Variants in DONSON observed in about 807,000 individuals in gnomAD.
The protein encoded by DONSON is protein downstream neighbor of Son.
DONSON carries 43 observed loss-of-function variants against 62.1 expected under a neutral mutation model. That is an observed-to-expected ratio of 0.69 (90% CI 0.54 to 0.89). The LOEUF (loss-of-function observed/expected upper bound fraction) is 0.89. Among genes scored for constraint, DONSON ranks in the 40% least tolerant of loss-of-function variants. The probability of loss-of-function intolerance (pLI) is 0.00; values close to 1 mark genes in which losing one functional copy is unlikely to be tolerated. For missense variants in DONSON, 696 were observed against 697.5 expected, an observed-to-expected ratio of 1.00 and a Z score of 0.03; for synonymous variants, 266 against 264.6, an observed-to-expected ratio of 1.01 and a Z score of -0.05.
rs929436066 is a variant in DONSON, at chr21:33,581,401, G to T, written c.1251C>A (p.Asn417Lys). 1 of 1,614,034 alleles carries T rather than the reference G, an allele frequency of 6.2e-7. No individual in the cohort carries two copies. Among genetic ancestry groups the T allele is most frequent in the Non-Finnish European group, 8.5e-7 (1 of 1,179,972 alleles). The change falls in exon 8 of 10, where the codon AAC (asparagine) becomes AAA (lysine). Residue 417 changes from asparagine (N) to lysine (K), a missense_variant. Transcript: ENST00000303071. ...NTFTLLNFLI[N>K]SKSLVATSGP... ...CTGAGGTAGCAACTAAACTCTTAGA[G>T]TTAATCAAAAAATTGAGCAATGTAA...
intron 4 of DONSON, among the ~76,000 whole-genome samples, chr21:33,584,074 T>A (rs895776214): frequency 8.2e-5 from 12 of 146,192 alleles, no homozygotes; most frequent in Non-Finnish European, 1.4e-4. Flanking sequence ...AGACGGAGTT[T>A]CGCTCTGTCG....
Position 33,578,375 on chromosome 21 carries a change from G to C in DONSON, c.1633C>G (p.Pro545Ala). 1 of 1,613,994 alleles carries C rather than the reference G, an allele frequency of 6.2e-7. No individual in the cohort carries two copies. The highest frequency in any genetic ancestry group is 8.5e-7 in the Non-Finnish European group (1 of 1,179,950). Residue 545 changes from proline (P) to alanine (A), a missense_variant, in exon 10 of 10, where the codon CCG becomes GCG. By Grantham distance (27) the Pro-to-Ala change is conservative. Transcript: ENST00000303071. The stretch of plus-strand genomic sequence containing the variant: ...CGTAAAGATGATTTCCCAAGTAACG[G>C]TATTTGACTAAGTTGCTCCAGAGTG... ...PNTLEQLSQI[P>A]LLGKSSLRNV...
Position 33,579,562 on chromosome 21 carries a change from C to A in DONSON, c.1351G>T (p.Ala451Ser). 6.2e-7 allele frequency: 1 copy of A among 1,608,798 alleles called. No individual in the cohort carries two copies. The highest frequency in any genetic ancestry group is 1.1e-5 in the South Asian group (1 of 90,746). The change falls in exon 9 of 10, where the codon GCA becomes TCA. Residue 451 changes from alanine to serine, a missense_variant and splice_region_variant. Physicochemically the swap from Ala to Ser is moderately conservative, Grantham distance 99. Coordinates refer to ENST00000303071, the MANE Select transcript of DONSON (RefSeq NM_017613.4). Reference sequence around the variant, plus strand: ...TGTGTCTTCACATTCACACTCCGTGCCTTCATGAAAATGTAAAGAAAAGGA... The same window carrying A: ...TGTGTCTTCACATTCACACTCCGTGACTTCATGAAAATGTAAAGAAAAGGA... The part of the protein sequence containing the change: ...FRGATMQMLK[A>S]RSVNVKTQAL...
rs769843611 is a variant in DONSON, at chr21:33,582,059, G to A, written c.1047-4C>T. On this transcript the variant is annotated splice_polypyrimidine_tract_variant and splice_region_variant and intron_variant, in intron 6 of 9. Coordinates refer to ENST00000303071, the MANE Select transcript of DONSON (RefSeq NM_017613.4). Reference sequence around the variant, plus strand: ...CTCATCACTGATGGCTTGCTCCCTAGGAAATTGCTACAGTTAGAGTCCCTA... The same window carrying A: ...CTCATCACTGATGGCTTGCTCCCTAAGAAATTGCTACAGTTAGAGTCCCTA... 2 of 1,613,908 alleles carry A rather than the reference G, an allele frequency of 1.2e-6. No individual in the cohort carries two copies. Among genetic ancestry groups the A allele is most frequent in the South Asian group, 2.2e-5 (2 of 91,074 alleles).
chr21:33,581,134 C>G (rs772401144), intron 8 of DONSON, 168 bp downstream of exon 8: 12 of 570,640 alleles, frequency 2.1e-5, no homozygotes, highest in Non-Finnish European at 2.7e-5. Flanking sequence ...CACATAATTT[C>G]TTTGATATAA....
In DONSON at chr21:33,578,999, G is replaced by T. The variant is rs890785552; in HGVS notation, c.1563+351C>A. On this transcript the variant is annotated intron_variant, in intron 9 of 9. Coordinates refer to ENST00000303071, the MANE Select transcript of DONSON (RefSeq NM_017613.4). ...ATAAAGATACAAAAAATAGCCAGAT[G>T]TGGTGGCACATGCCTGTAATCTCAG... 5.9e-5 allele frequency among the ~76,000 whole-genome samples: 9 copies of T among 152,224 alleles called. No homozygotes were observed. The South Asian group carries it at 6.2e-4, about 11-fold the overall frequency.
chr21:33,583,935 GCTGA>G (rs1173042305), intron 4 of DONSON, among the ~76,000 whole-genome samples: 1 of 149,370 alleles, frequency 6.7e-6, no homozygotes, highest in Non-Finnish European at 1.5e-5. Flanking sequence ...AGAATTGCCT[GCTGA>G]CTTTCTCTGA....
Position 33,586,022 on chromosome 21 carries a change from G to C in DONSON, c.562C>G (p.Gln188Glu), listed in dbSNP as rs1569077132. 1 of 1,614,036 alleles carries C rather than the reference G, an allele frequency of 6.2e-7. No individual in the cohort carries two copies. Among genetic ancestry groups the C allele is most frequent in the Non-Finnish European group, 8.5e-7 (1 of 1,180,048 alleles). The change falls in exon 3 of 10, where the codon CAG becomes GAG. Residue 188 changes from glutamine to glutamate, a missense_variant. Physicochemically the swap from Gln to Glu is conservative, Grantham distance 29. Transcript: ENST00000303071. ...GTAACTTCTGTTGCCCTACAATGCTGGACAAGACCTTGAGCTTCTTCCTGT... is the reference window on the plus strand; with the variant it reads ...GTAACTTCTGTTGCCCTACAATGCTCGACAAGACCTTGAGCTTCTTCCTGT... Reference protein sequence around the residue: ...KAQEEAQGLVQHCRATEVTLP... With the variant: ...KAQEEAQGLVEHCRATEVTLP...
In DONSON at chr21:33,579,558, C is replaced by G; in HGVS notation, c.1355G>C (p.Arg452Pro). The change falls in exon 9 of 10, where the codon CGG (arginine) becomes CCG (proline). Residue 452 changes from arginine (R) to proline (P), a missense_variant. Physicochemically the swap from Arg to Pro is moderately radical, Grantham distance 103. Coordinates refer to ENST00000303071, the MANE Select transcript of DONSON (RefSeq NM_017613.4). Reference sequence around the variant, plus strand: ...AGCTTGTGTCTTCACATTCACACTCCGTGCCTTCATGAAAATGTAAAGAAA... The same window carrying G: ...AGCTTGTGTCTTCACATTCACACTCGGTGCCTTCATGAAAATGTAAAGAAA... The part of the protein sequence containing the change: ...RGATMQMLKA[R>P]SVNVKTQALS... The G allele has an allele frequency of 6.2e-7, 1 of 1,609,820 alleles. No homozygotes were observed. The highest frequency in any genetic ancestry group is 8.5e-7 in the Non-Finnish European group (1 of 1,177,344).
At chr21:33,580,837 G>A (rs894273712) in intron 8 of DONSON, among the ~76,000 whole-genome samples, 3 of 151,696 alleles carry the variant, frequency 2.0e-5, no homozygotes, top group Non-Finnish European at 4.4e-5. Context: ...AGCCGAGATC[G>A]CACCACTGCA....
intron 3 of DONSON, 142 bp downstream of exon 3, chr21:33,585,836 G>C: frequency 1.3e-6 from 1 of 781,384 alleles, no homozygotes; most frequent in East Asian, 2.7e-5. Flanking sequence ...GCACCATCTG[G>C]GAAAGACAAA....
intron 3 of DONSON, 23 bp from the exon 4 acceptor site, chr21:33,584,791 G>A: frequency 6.8e-7 from 1 of 1,461,966 alleles, no homozygotes; most frequent in Admixed American, 2.2e-5. Context: ...GGTGACAGTG[G>A]GCAGTTTTTG....
In DONSON at chr21:33,579,576, TAAAGA is replaced by T. The variant is rs769019326; in HGVS notation, c.1351-19_1351-15del. ...CACACTCCGTGCCTTCATGAAAATG[TAAAGA>T]AAAGGAAAATTAAGATCATCTCTCA... On this transcript the variant is annotated splice_polypyrimidine_tract_variant and intron_variant, in intron 8 of 9. Transcript: ENST00000303071. 1.2e-6 allele frequency: 2 copies of T among 1,604,418 alleles called. No homozygotes were observed. Among genetic ancestry groups the T allele is most frequent in the African/African-American group, 1.3e-5 (1 of 74,540 alleles).
intron 3 of DONSON, among the ~76,000 whole-genome samples, chr21:33,585,020 A>G (rs960606435): frequency 1.3e-5 from 2 of 152,178 alleles, no homozygotes; most frequent in African/African-American, 4.8e-5. Flanking sequence ...AAGGACAATG[A>G]CTACCTTTTT....
Position 33,579,366 on chromosome 21 carries a change from T to A in DONSON, c.1547A>T (p.Asp516Val), listed in dbSNP as rs2086478956. ...TCTACTTACCATATCAAGTACTTTG[T>A]CCATTTGCAGGCAGATGTTAAATAC... ...TAVFNICLQM[D>V]KVLDMEVVHK... Residue 516 changes from aspartate to valine, a missense_variant, in exon 9 of 10, where the codon GAC becomes GTC. By Grantham distance (152) the Asp-to-Val change is radical. Coordinates refer to ENST00000303071, the MANE Select transcript of DONSON (RefSeq NM_017613.4). The A allele has an allele frequency of 1.2e-6, 2 of 1,605,166 alleles. No individual in the cohort carries two copies. Among genetic ancestry groups the A allele is most frequent in the Middle Eastern group, 1.7e-4 (1 of 5,998 alleles).
At chr21:33,584,815 A>T (rs2086560019) in intron 3 of DONSON, 47 bp from the exon 4 acceptor site, 1 of 1,406,554 alleles carries the variant, frequency 7.1e-7, no homozygotes, top group Admixed American at 2.5e-5. Context: ...ATTGAGAAAT[A>T]GAGAATTTTA....
Position 33,586,085 on chromosome 21 carries a change from A to T in DONSON, c.499T>A (p.Ser167Thr). ...TCTGCCCAGGTAAAGGGTTGAGAAG[A>T]GGTGAAAAGGAGTCGCGTTTTAATA... ...WSIKTRLLFT[S>T]SQPFTWADHL... Residue 167 changes from serine to threonine, a missense_variant, in exon 3 of 10, where the codon TCT becomes ACT. Ser to Thr is a moderately conservative substitution (Grantham distance 58). Coordinates refer to ENST00000303071, the MANE Select transcript of DONSON (RefSeq NM_017613.4). 1.9e-6 allele frequency: 3 copies of T among 1,614,204 alleles called. No individual in the cohort carries two copies. Among genetic ancestry groups the T allele is most frequent in the Non-Finnish European group, 2.5e-6 (3 of 1,180,030 alleles).
intron 5 of DONSON, among the ~76,000 whole-genome samples, chr21:33,583,095 G>A (rs2086532598): frequency 6.6e-6 from 1 of 150,910 alleles, no homozygotes; most frequent in Non-Finnish European, 1.5e-5. Flanking sequence ...CAGCTACTCG[G>A]GAGGCTGAGG....
Position 33,587,606 on chromosome 21 carries a change from A to G in DONSON, c.322-4T>C. On this transcript the variant is annotated splice_region_variant and splice_polypyrimidine_tract_variant and intron_variant, in intron 1 of 9. Transcript: ENST00000303071. ...TTTCTTGATTAGAATCTAAAAACTG[A>G]GGTTAAATATATTCTCCTTTAAAAT... The G allele has an allele frequency of 1.9e-6, 3 of 1,572,056 alleles. No individual in the cohort carries two copies. The highest frequency in any genetic ancestry group is 2.6e-6 in the Non-Finnish European group (3 of 1,158,914).
Sources: gnomAD v4.1 joint callset for allele counts (sites outside exome capture counted in the v4.1 genomes callset) on GRCh38, gnomAD v4.1.1 for gene constraint, MANE v1.5 for transcripts, NCBI Gene and HGNC (gene_info 2026-07-23, HGNC 2026-07-21) for gene names.